Variants in DPP9 observed in about 807,000 individuals in gnomAD.
The protein encoded by DPP9 is dipeptidyl peptidase 9.
A neutral mutation model predicts 110.7 loss-of-function variants in DPP9; 50 were observed. The ratio of observed to expected loss-of-function variants is 0.45; its 90% CI spans 0.36 to 0.57. The LOEUF (loss-of-function observed/expected upper bound fraction) is 0.57. Ranked by LOEUF, DPP9 falls within the 20% of genes least tolerant of loss-of-function variation. DPP9 has a pLI of 0.00. For synonymous variants in DPP9, 561 were observed against 514.4 expected (o/e 1.09, Z -1.23); for missense variants, 1,022 against 1,217.9 (o/e 0.84, Z 2.39).
chr19:4,719,705 G>A (rs1157984793), intron 3 of DPP9, 146 bp downstream of exon 3: 11 of 954,288 alleles, frequency 1.2e-5, no homozygotes, highest in East Asian at 2.6e-5. Context: ...CTGCCTCCTC[G>A]CTTGAAATAA....
chr19:4,704,401 A>C lies in DPP9; in HGVS notation c.427-97T>G, dbSNP rs1356612338. ...CCTCGGGCTGGGGCATTCCCAGGGA[A>C]TCTGACTTCGGGCCTCGCCAGAGAG... On this transcript the variant is annotated intron_variant, in intron 5 of 21. Coordinates refer to ENST00000262960, the MANE Select transcript of DPP9 (RefSeq NM_139159.5). This position sits in a 1 kb window ranked among gnomAD's most constrained non-coding sequence, Gnocchi z 6.0. The C allele has an allele frequency of 8.3e-6, 12 of 1,442,896 alleles. No homozygotes were observed. The South Asian group carries it at 1.1e-4, about 14-fold the overall frequency. 89.4% of individuals were successfully genotyped at this position (1,442,896 alleles called of 1,614,324 possible). A position where few individuals can be genotyped will look rare whatever the true frequency, so the allele number is the denominator to read the frequency against.
At chr19:4,714,458 C>T (rs2092983407) in intron 3 of DPP9, 121 bp from the exon 4 acceptor site, 2 of 1,290,572 alleles carry the variant, frequency 1.5e-6, no homozygotes, top group African/African-American at 1.5e-5. Flanking sequence ...GCCGCTTTCC[C>T]CACTCCCTAA....
chr19:4,702,753 G>T, intron 7 of DPP9, 37 bp from the exon 8 acceptor site: 1 of 1,389,602 alleles, frequency 7.2e-7, no homozygotes, highest in Non-Finnish European at 9.8e-7. Context: ...CAAGGGGTGA[G>T]CAGCCTGCTA....
rs191649031 is a variant in DPP9 at position 4,718,504 on chromosome 19, A to G, written c.56+1347T>C. On this transcript the variant is annotated intron_variant, in intron 3 of 21. Transcript: ENST00000262960. The surrounding 1 kb of genome is among the most constrained non-coding windows in gnomAD (Gnocchi z 4.3). ...AAGGTGGACTTTGGGCAGCCGGCCC[A>G]GGCCAGGCAAGTGCCCCTGCAAGTG... 6.6e-6 allele frequency among the ~76,000 whole-genome samples: 1 copy of G among 152,320 alleles called. No individual in the cohort carries two copies. Among genetic ancestry groups the G allele is most frequent in the Non-Finnish European group, 1.5e-5 (1 of 68,006 alleles).
Position 4,695,649 on chromosome 19 carries a change from G to A in DPP9, c.1176-94C>T, listed in dbSNP as rs926999569. On this transcript the variant is annotated intron_variant, in intron 11 of 21. Coordinates refer to ENST00000262960, the MANE Select transcript of DPP9 (RefSeq NM_139159.5). The surrounding 1 kb of genome is among the most constrained non-coding windows in gnomAD (Gnocchi z 4.7). ...GGGGACGCAGCGTCCAAACCCGTGT[G>A]GAATCAGGGCTGGGCTTCCTGCGCT... 17 of 1,162,324 alleles carry A rather than the reference G, an allele frequency of 1.5e-5. No individual in the cohort carries two copies. Among genetic ancestry groups the A allele is most frequent in the Admixed American group, 7.0e-5 (2 of 28,640 alleles). 72.0% of individuals were successfully genotyped at this position (1,162,324 alleles called of 1,614,324 possible).
At chr19:4,697,293 C>T (rs2091888113) in intron 11 of DPP9, among the ~76,000 whole-genome samples, 1 of 152,182 alleles carries the variant, frequency 6.6e-6, no homozygotes, top group Admixed American at 6.5e-5. Context: ...AGGTCTCCTC[C>T]ACACTCTGGG....
Position 4,685,756 on chromosome 19 carries a change from T to C in DPP9, c.1901A>G (p.Tyr634Cys), listed in dbSNP as rs1284075085. 3 of 1,613,030 alleles carry C rather than the reference T, an allele frequency of 1.9e-6. No individual in the cohort carries two copies. Among genetic ancestry groups the C allele is most frequent in the Non-Finnish European group, 2.5e-6 (3 of 1,179,800 alleles). The change falls in exon 17 of 22, where the codon TAT becomes TGT. Residue 634 changes from tyrosine (Y) to cysteine (C), a missense_variant. Coordinates refer to ENST00000262960, the MANE Select transcript of DPP9 (RefSeq NM_139159.5). The surrounding 1 kb of genome is among the most constrained non-coding windows in gnomAD (Gnocchi z 5.8). ...GAAATGGAAGATCTCTGGAGGAACA[T>C]AATCCGGGGGGCAGCCTGCGGGAGA... ...MMEAASCPPD[Y>C]VPPEIFHFHT...
In DPP9 at chr19:4,689,987, T is replaced by C. The variant is rs2091166718; in HGVS notation, c.1597-265A>G. Among the ~76,000 whole-genome samples the C allele has an allele frequency of 6.6e-6, 1 of 152,118 alleles. No homozygotes were observed. The highest frequency in any genetic ancestry group is 2.4e-5 in the African/African-American group (1 of 41,418). ...GGCCTGCATTCCACCCCCAGACAGCTCTTTCCTAGCTTGAATTGGGAGGGC... is the reference window on the plus strand; with the variant it reads ...GGCCTGCATTCCACCCCCAGACAGCCCTTTCCTAGCTTGAATTGGGAGGGC... On this transcript the variant is annotated intron_variant, in intron 14 of 21. Coordinates refer to ENST00000262960, the MANE Select transcript of DPP9 (RefSeq NM_139159.5). This position sits in a 1 kb window ranked among gnomAD's most constrained non-coding sequence, Gnocchi z 7.0.
In DPP9 at chr19:4,676,220, C is replaced by G. The variant is rs1012206887; in HGVS notation, c.*344G>C. On this transcript the variant is annotated 3_prime_UTR_variant, in exon 22 of 22. Coordinates refer to ENST00000262960, the MANE Select transcript of DPP9 (RefSeq NM_139159.5). The surrounding 1 kb of genome is among the most constrained non-coding windows in gnomAD (Gnocchi z 4.0). ...CAGGGGACTGAGAGGTCACAGGGAG[C>G]CCCAGGCGGAAGGCAGCCCGCTCCT... The G allele has an allele frequency of 3.5e-6, 1 of 283,604 alleles. No individual in the cohort carries two copies. The highest frequency in any genetic ancestry group is 6.7e-6 in the Non-Finnish European group (1 of 148,182). The allele number at this position is 283,604 out of a possible 1,614,324, so 17.6% of individuals were successfully genotyped here. A position where few individuals can be genotyped will look rare whatever the true frequency, so the allele number is the denominator to read the frequency against.
intron 14 of DPP9, among the ~76,000 whole-genome samples, chr19:4,690,521 G>T (rs1415212362): frequency 6.6e-6 from 1 of 152,208 alleles, no homozygotes; most frequent in Admixed American, 6.5e-5. Flanking sequence ...AAGGCAGCTG[G>T]ACGCATGGCC....
rs144999870 is a variant in DPP9 at position 4,683,805 on chromosome 19, C to T, written c.2179-176G>A. ...TGCCTGCTATCTGGGGATGGCTGGA[C>T]AGATCCAGCAGCCATCTTGCTCTGC... On this transcript the variant is annotated intron_variant, in intron 18 of 21. Coordinates refer to ENST00000262960, the MANE Select transcript of DPP9 (RefSeq NM_139159.5). 5.1e-5 allele frequency: 79 copies of T among 1,538,394 alleles called. No homozygotes were observed. The African/African-American group carries it at 8.9e-4, about 17-fold the overall frequency.
At chr19:4,714,741 G>T (rs1442360494) in intron 3 of DPP9, among the ~76,000 whole-genome samples, 1 of 151,928 alleles carries the variant, frequency 6.6e-6, no homozygotes, top group Non-Finnish European at 1.5e-5. Flanking sequence ...CACATCCACT[G>T]CCAAGACCCC....
In DPP9 at chr19:4,683,644, C is replaced by G. The variant is rs368043211; in HGVS notation, c.2179-15G>C. ...TCCACCTGGCCCTGAGGGATGAAGCCGGGCACCTCTCAGTGGCCTCCTCCC... is the reference window on the plus strand; with the variant it reads ...TCCACCTGGCCCTGAGGGATGAAGCGGGGCACCTCTCAGTGGCCTCCTCCC... On this transcript the variant is annotated splice_polypyrimidine_tract_variant and intron_variant, in intron 18 of 21. Coordinates refer to ENST00000262960, the MANE Select transcript of DPP9 (RefSeq NM_139159.5). 2 of 1,613,340 alleles carry G rather than the reference C, an allele frequency of 1.2e-6. No individual in the cohort carries two copies. Among genetic ancestry groups the G allele is most frequent in the Non-Finnish European group, 1.7e-6 (2 of 1,179,850 alleles).
At chr19:4,683,008 G>A in intron 19 of DPP9, 170 bp from the exon 20 acceptor site, 8 of 1,527,266 alleles carry the variant, frequency 5.2e-6, no homozygotes, top group South Asian at 1.2e-5. Context: ...CCCCGTGGAC[G>A]GTGCGTGGCA....
In DPP9 at chr19:4,684,850, GGGCAGGACGGGCCT is replaced by G. The variant is rs1568303952; in HGVS notation, c.2032-55_2032-42del. ...GGCCAGCAGTCCAGCACGAGATGCCGGGCAGGACGGGCCTGGCAGGGGAGATGCCGGTGGGCTGG... is the reference window on the plus strand; with the variant it reads ...GGCCAGCAGTCCAGCACGAGATGCCGGGCAGGGGAGATGCCGGTGGGCTGG... On this transcript the variant is annotated intron_variant, in intron 17 of 21. Transcript: ENST00000262960. This position sits in a 1 kb window ranked among gnomAD's most constrained non-coding sequence, Gnocchi z 4.8. 2 of 1,564,784 alleles carry G rather than the reference GGGCAGGACGGGCCT, an allele frequency of 1.3e-6. No individual in the cohort carries two copies. Among genetic ancestry groups the G allele is most frequent in the South Asian group, 2.4e-5 (2 of 84,972 alleles).
rs556336769 is a variant in DPP9, at chr19:4,675,485, C to G, written c.*1079G>C. ...CCCGGAACCCCTGGTGTGTACGGGT[C>G]AGGCAGACACATGTGGCTGGGCGGC... On this transcript the variant is annotated 3_prime_UTR_variant, in exon 22 of 22. Coordinates refer to ENST00000262960, the MANE Select transcript of DPP9 (RefSeq NM_139159.5). 1 of 152,110 alleles carries G rather than the reference C, an allele frequency of 6.6e-6. No homozygotes were observed. The highest frequency in any genetic ancestry group is 2.4e-5 in the African/African-American group (1 of 41,464). The allele number at this position is 152,110 out of a possible 1,614,324, so 9.4% of individuals were successfully genotyped here.
In DPP9 at chr19:4,704,358, G is replaced by A. The variant is rs1486593934; in HGVS notation, c.427-54C>T. 11 of 1,564,742 alleles carry A rather than the reference G, an allele frequency of 7.0e-6. No homozygotes were observed. The highest frequency in any genetic ancestry group is 2.3e-5 in the East Asian group (1 of 44,312). ...CGTCAGTGGGCAAAGAGGATCTCCC[G>A]CTGGCCAGGGCAGAGATCCTCGGGC... On this transcript the variant is annotated intron_variant, in intron 5 of 21. Coordinates refer to ENST00000262960, the MANE Select transcript of DPP9 (RefSeq NM_139159.5). The surrounding 1 kb of genome is among the most constrained non-coding windows in gnomAD (Gnocchi z 6.0).
intron 19 of DPP9, chr19:4,683,138 C>T (rs1350395016): frequency 6.8e-7 from 1 of 1,464,454 alleles, no homozygotes; most frequent in Non-Finnish European, 9.0e-7. Flanking sequence ...CCGCAGTGCC[C>T]TGACTGCCGC....
chr19:4,720,608 C>T (rs1158112293), intron 2 of DPP9, among the ~76,000 whole-genome samples: 2 of 152,202 alleles, frequency 1.3e-5, no homozygotes, highest in Admixed American at 1.3e-4. Context: ...TGGTTCTCAA[C>T]TGGGGGCGAT....
Sources: gnomAD v4.1 joint callset for allele counts (sites outside exome capture counted in the v4.1 genomes callset) on GRCh38, gnomAD v4.1.1 for gene constraint, Gnocchi (gnomAD v3.1) non-coding constraint, MANE v1.5 for transcripts, NCBI Gene and HGNC (gene_info 2026-07-23, HGNC 2026-07-21) for gene names.